Variants in NLRP2 observed in about 807,000 individuals in gnomAD.
NLRP2 encodes NLR family pyrin domain containing 2.
NLRP2 carries 107 observed loss-of-function variants against 97.2 expected under a neutral mutation model. The ratio of observed to expected loss-of-function variants is 1.10; its 90% CI spans 0.94 to 1.29. The LOEUF (loss-of-function observed/expected upper bound fraction) is 1.29, where lower values mean the gene tolerates loss of function less well. Among genes scored for constraint, NLRP2 ranks in the 50% most tolerant of loss-of-function variants. The pLI, the probability that NLRP2 is intolerant of heterozygous loss-of-function variation, is 0.00. For synonymous variants in NLRP2, 663 were observed against 551.5 expected (o/e 1.20, Z -2.83); for missense variants, 1,495 against 1,330.3 (o/e 1.12, Z -1.93).
intron 1 of NLRP2, among the ~76,000 whole-genome samples, chr19:54,969,412 A>C (rs1244129288): frequency 5.4e-5 from 8 of 148,466 alleles, no homozygotes; most frequent in Non-Finnish European, 1.2e-4. Context: ...CGGGAGGCAG[A>C]GGTTGTAGTG....
chr19:54,989,701 C>T (rs777580818), intron 8 of NLRP2: 4 of 456,632 alleles, frequency 8.8e-6, no homozygotes, highest in Non-Finnish European at 1.6e-5. Flanking sequence ...ATGACTTGTT[C>T]TGCCGGGCGC....
chr19:54,980,396 G>C (rs112810306), intron 4 of NLRP2, among the ~76,000 whole-genome samples: 9 of 151,750 alleles, frequency 5.9e-5, no homozygotes, highest in African/African-American at 2.2e-4. Flanking sequence ...GGGTTTCACC[G>C]TGTTAGCCAG....
At chr19:54,972,110 G>T (rs1322436029) in intron 2 of NLRP2, among the ~76,000 whole-genome samples, 2 of 150,390 alleles carry the variant, frequency 1.3e-5, no homozygotes, top group Non-Finnish European at 3.0e-5. Context: ...CCAAAGTGTT[G>T]GGATTACAGG....
In NLRP2 at chr19:54,983,496, A is replaced by G; in HGVS notation, c.1798A>G (p.Thr600Ala). 1.9e-6 allele frequency: 3 copies of G among 1,614,198 alleles called. No homozygotes were observed. The highest frequency in any genetic ancestry group is 1.7e-6 in the Non-Finnish European group (2 of 1,180,038). ...TTGTAAGGGTGGACATTCAACGGTG[A>G]CAGACCTGCAGGAGCTCCTCGGCTG... Reference protein sequence around the residue: ...ISCKGGHSTVTDLQELLGCLY... With the variant: ...ISCKGGHSTVADLQELLGCLY... Residue 600 changes from threonine to alanine, a missense_variant, in exon 6 of 13, where the codon ACA (threonine) becomes GCA (alanine). Thr to Ala is a moderately conservative substitution (Grantham distance 58). Coordinates refer to ENST00000448584, the MANE Select transcript of NLRP2 (RefSeq NM_017852.5).
chr19:54,984,710 C>T (rs560660976), intron 6 of NLRP2, among the ~76,000 whole-genome samples: 6 of 151,322 alleles, frequency 4.0e-5, no homozygotes, highest in Admixed American at 2.0e-4. Context: ...CTCGAACTCC[C>T]GACCTCAGGT....
At chr19:54,974,313 C>G (rs1388718544) in intron 2 of NLRP2, 187 bp from the exon 3 acceptor site, 4 of 638,948 alleles carry the variant, frequency 6.3e-6, no homozygotes, top group Non-Finnish European at 1.1e-5. Context: ...AAGATTGTGC[C>G]ACTCCAGCCT....
intron 4 of NLRP2, among the ~76,000 whole-genome samples, chr19:54,978,070 G>GTT (rs1415517450): frequency 6.6e-6 from 1 of 151,546 alleles, no homozygotes; most frequent in South Asian, 2.1e-4. Flanking sequence ...TTTTGTTTTT[G>GTT]TTTTTGTTTT....
chr19:54,997,309 T>G lies in NLRP2; in HGVS notation c.2880-8T>G. ...TGCATTAACGTGTTGATTTCTGTGTTTCCCCAGGTTGTGGGGATGTTCCAT... is the reference window on the plus strand; with the variant it reads ...TGCATTAACGTGTTGATTTCTGTGTGTCCCCAGGTTGTGGGGATGTTCCAT... On this transcript the variant is annotated splice_polypyrimidine_tract_variant and splice_region_variant and intron_variant, in intron 11 of 12. Coordinates refer to ENST00000448584, the MANE Select transcript of NLRP2 (RefSeq NM_017852.5). 6.2e-7 allele frequency: 1 copy of G among 1,613,130 alleles called. No individual in the cohort carries two copies.
In NLRP2 at chr19:54,990,573, T is replaced by C; in HGVS notation, c.2609T>C (p.Leu870Pro). ...GCTGTGTTGGTTGTCAGCCGGGAGC[T>C]GACACACCTGTGCTTGGCCAAGAAC... is the stretch of plus-strand genomic sequence containing the variant. ...LAAVLVVSRE[L>P]THLCLAKNPI... is the part of the protein sequence containing the mutation. Residue 870 changes from leucine (L) to proline (P), a missense_variant, in exon 10 of 13, where the codon CTG becomes CCG. Physicochemically the swap from Leu to Pro is moderately conservative, Grantham distance 98. Transcript: ENST00000448584. 6.2e-7 allele frequency: 1 copy of C among 1,614,166 alleles called. No individual in the cohort carries two copies. Among genetic ancestry groups the C allele is most frequent in the Non-Finnish European group, 8.5e-7 (1 of 1,180,018 alleles).
rs145377968 is a variant in NLRP2, at chr19:54,972,696, C to T, written c.281-1804C>T. ...GGTCTCGAACTTCTGTGGGCTCAAC[C>T]GATCCTCCTGCCTTGGCTTCCCACA... is the stretch of plus-strand genomic sequence containing the variant. On this transcript the variant is annotated intron_variant, in intron 2 of 12. Coordinates refer to ENST00000448584, the MANE Select transcript of NLRP2 (RefSeq NM_017852.5). 1.8e-4 allele frequency among the ~76,000 whole-genome samples: 27 copies of T among 152,058 alleles called. No individual in the cohort carries two copies. The East Asian group carries it at 4.7e-3, about 26-fold the overall frequency.
In NLRP2 at chr19:54,982,241, G is replaced by C. The variant is rs773162464; in HGVS notation, c.543G>C (p.Glu181Asp). 5 of 1,614,130 alleles carry C rather than the reference G, an allele frequency of 3.1e-6. No homozygotes were observed. The highest frequency in any genetic ancestry group is 8.5e-7 in the Non-Finnish European group (1 of 1,180,022). The stretch of plus-strand genomic sequence containing the variant: ...AGAGCTGGCCTGGAGATAGCAAAGA[G>C]GTCCAGGTTATGGCTGAGAGATACA... ...MWKSWPGDSK[E>D]VQVMAERYKM... Residue 181 changes from glutamate (E) to aspartate (D), a missense_variant, in exon 6 of 13, where the codon GAG becomes GAC. Transcript: ENST00000448584.
chr19:54,968,198 G>A (rs879600142), intron 1 of NLRP2, among the ~76,000 whole-genome samples: 1 of 146,402 alleles, frequency 6.8e-6, no homozygotes, highest in Non-Finnish European at 1.5e-5. Context: ...GATTACAGGC[G>A]TGAGCCACCG....
At chr19:54,981,431 G>A (rs2071562855) in intron 4 of NLRP2, among the ~76,000 whole-genome samples, 186 bp from the exon 5 acceptor site, 1 of 151,766 alleles carries the variant, frequency 6.6e-6, no homozygotes. Flanking sequence ...GCCTCCCAAA[G>A]TTCTGGGATT....
In NLRP2 at chr19:54,974,490, C is replaced by T. The variant is rs750785206; in HGVS notation, c.281-10C>T. 4 of 1,610,434 alleles carry T rather than the reference C, an allele frequency of 2.5e-6. No homozygotes were observed. The highest frequency in any genetic ancestry group is 2.7e-5 in the African/African-American group (2 of 74,850). On this transcript the variant is annotated splice_polypyrimidine_tract_variant and intron_variant, in intron 2 of 12. Coordinates refer to ENST00000448584, the MANE Select transcript of NLRP2 (RefSeq NM_017852.5). ...AAAATGCAAAATTTTCCCCCCTTCT[C>T]CTTTTTCAGAAGCAGCTTTGAAATC...
In NLRP2 at chr19:54,977,821, A is replaced by G. The variant is rs368082357; in HGVS notation, c.395A>G (p.Gln132Arg). The change falls in exon 4 of 13, where the codon CAA becomes CGA. Residue 132 changes from glutamine (Q) to arginine (R), a missense_variant and splice_region_variant. Physicochemically the swap from Gln to Arg is conservative, Grantham distance 43. Coordinates refer to ENST00000448584, the MANE Select transcript of NLRP2 (RefSeq NM_017852.5). ...EMLERFKTEA[Q>R]AFTETKGNVI... is the part of the protein sequence containing the mutation. The stretch of plus-strand genomic sequence containing the variant: ...CTGGAGCGCTTCAAAACAGAAGCAC[A>G]AGGTGGGTGTCAGGACCTCCAATGT... 6.2e-7 allele frequency: 1 copy of G among 1,613,640 alleles called. No homozygotes were observed. Among genetic ancestry groups the G allele is most frequent in the Non-Finnish European group, 8.5e-7 (1 of 1,179,946 alleles).
chr19:54,999,372 C>G (rs932536500), intron 12 of NLRP2, among the ~76,000 whole-genome samples: 1 of 152,154 alleles, frequency 6.6e-6, no homozygotes. Context: ...GTCTCGAACT[C>G]CTGACTTCAG....
chr19:54,990,483 A>G lies in NLRP2; in HGVS notation c.2538-19A>G, dbSNP rs73608001. 1.8e-3 allele frequency: 2,973 copies of G among 1,613,856 alleles called. 31 individuals carry two copies. The African/African-American group carries it at 0.033, about 18-fold the overall frequency. On this transcript the variant is annotated intron_variant, in intron 9 of 12. Transcript: ENST00000448584. ...AGTTGGACCTGTCAACCGTGTTGCC[A>G]TTTGTGATTCTTTTGTAGGTTGGAA...
intron 5 of NLRP2, among the ~76,000 whole-genome samples, 200 bp from the exon 6 acceptor site, chr19:54,981,962 G>A (rs2071604195): frequency 6.6e-6 from 1 of 152,078 alleles, no homozygotes; most frequent in Admixed American, 6.6e-5. Context: ...ATTTTTAGTA[G>A]AGACAAGGTT....
intron 12 of NLRP2, among the ~76,000 whole-genome samples, chr19:54,999,448 G>A (rs895419711): frequency 2.2e-4 from 33 of 152,122 alleles, no homozygotes; most frequent in African/African-American, 8.0e-4. Flanking sequence ...TGCCTGGCCT[G>A]CATCTCCTCT....
Sources: gnomAD v4.1 joint callset for allele counts (sites outside exome capture counted in the v4.1 genomes callset) on GRCh38, gnomAD v4.1.1 for gene constraint, MANE v1.5 for transcripts, NCBI Gene and HGNC (gene_info 2026-07-23, HGNC 2026-07-21) for gene names.